PMEPA1: variants seen among roughly 807,000 people sequenced by gnomAD.
PMEPA1 encodes the protein protein TMEPAI.
A neutral mutation model predicts 23.0 loss-of-function variants in PMEPA1; 11 were observed. That is an observed-to-expected ratio of 0.48 (90% CI 0.30 to 0.79). PMEPA1 has a LOEUF of 0.79. Ranked by LOEUF, PMEPA1 falls within the 30% of genes least tolerant of loss-of-function variation. The pLI is 0.06. For synonymous variants in PMEPA1, 204 were observed against 166.4 expected (o/e 1.23, Z -1.74); for missense variants, 377 against 390.9 (o/e 0.96, Z 0.30).
At chr20:57,664,066 C>A (rs1405548771) in intron 1 of PMEPA1, among the ~76,000 whole-genome samples, 1 of 152,226 alleles carries the variant, frequency 6.6e-6, no homozygotes, top group Admixed American at 6.5e-5. Flanking sequence ...GGAATGCATT[C>A]TCTGGGGAGT....
intron 1 of PMEPA1, among the ~76,000 whole-genome samples, chr20:57,673,990 C>A (rs766494672): frequency 2.0e-5 from 3 of 152,180 alleles, no homozygotes; most frequent in Non-Finnish European, 2.9e-5. Context: ...CAAGTGGTGG[C>A]CACTATTGGG....
rs975364830 is a variant in PMEPA1, at chr20:57,650,683, G to A, written c.*1370C>T. ...GAATTCTGCGCCCGAAGCTCGGGTT[G>A]GTGTTTGCTCAACTGCTTTACTCAT... On this transcript the variant is annotated 3_prime_UTR_variant, in exon 4 of 4. Transcript: ENST00000341744. 5.9e-5 allele frequency: 9 copies of A among 152,392 alleles called. No homozygotes were observed. The highest frequency in any genetic ancestry group is 2.2e-4 in the African/African-American group (9 of 41,598). The allele number at this position is 152,392 out of a possible 1,614,324, so 9.4% of individuals were successfully genotyped here.
At position 57,659,534 on chromosome 20, in the gene PMEPA1, G is replaced by A; in HGVS notation, c.264+9C>T. 6.2e-7 allele frequency: 1 copy of A among 1,612,966 alleles called. No individual in the cohort carries two copies. Among genetic ancestry groups the A allele is most frequent in the Non-Finnish European group, 8.5e-7 (1 of 1,179,308 alleles). On this transcript the variant is annotated intron_variant, in intron 2 of 3. Transcript: ENST00000341744. Reference sequence around the variant, plus strand: ...CCTCAGGCCACAGATGGGATGGCGGGGCACTTACTGAGGACAGGGCATCTT... The same window carrying A: ...CCTCAGGCCACAGATGGGATGGCGGAGCACTTACTGAGGACAGGGCATCTT...
intron 2 of PMEPA1, 101 bp downstream of exon 2, chr20:57,659,442 C>A (rs1172596568): frequency 5.4e-6 from 7 of 1,295,418 alleles, no homozygotes; most frequent in Non-Finnish European, 7.4e-6. Context: ...TGCCCTGAAT[C>A]TGTTTCCTGC....
At chr20:57,673,373 C>T (rs2071595323) in intron 1 of PMEPA1, among the ~76,000 whole-genome samples, 1 of 152,198 alleles carries the variant, frequency 6.6e-6, no homozygotes. Context: ...CCACCCAAGA[C>T]ATCTGCTATG....
chr20:57,677,559 C>T (rs1033438536), intron 1 of PMEPA1, among the ~76,000 whole-genome samples: 3 of 152,274 alleles, frequency 2.0e-5, no homozygotes, highest in Non-Finnish European at 1.5e-5. Flanking sequence ...CCCCAGCACT[C>T]GCATCTTTCC....
At chr20:57,666,064 G>C (rs1352155057) in intron 1 of PMEPA1, among the ~76,000 whole-genome samples, 1 of 152,184 alleles carries the variant, frequency 6.6e-6, no homozygotes, top group African/African-American at 2.4e-5. Context: ...CCTTGGGGAG[G>C]GTGATGAATG....
chr20:57,710,297 C>T, upstream of PMEPA1: 1 of 742,908 alleles, frequency 1.3e-6, no homozygotes, highest in South Asian at 2.7e-5. Context: ...TCGGTGCCAG[C>T]CGCACCCGGG....
upstream of PMEPA1, chr20:57,711,001 CAG>C (rs1568693492): frequency 6.6e-6 from 1 of 152,232 alleles, no homozygotes; most frequent in African/African-American, 2.4e-5. Context: ...GACACCGACT[CAG>C]TGTGGCCGAA....
At chr20:57,676,415 A>T (rs78934930) in intron 1 of PMEPA1, among the ~76,000 whole-genome samples, 22,269 of 152,280 alleles carry the variant, frequency 0.15, 1,850 homozygotes, top group East Asian at 0.28. Flanking sequence ...GCATCATGAC[A>T]TGGCAAAGCA....
At chr20:57,701,407 G>A (rs886504026) in intron 1 of PMEPA1, among the ~76,000 whole-genome samples, 1 of 152,156 alleles carries the variant, frequency 6.6e-6, no homozygotes, top group African/African-American at 2.4e-5. Flanking sequence ...CCTTCTGGGG[G>A]CCTGCAGCAA....
At chr20:57,698,905 T>A (rs1338880350) in intron 1 of PMEPA1, among the ~76,000 whole-genome samples, 3 of 152,098 alleles carry the variant, frequency 2.0e-5, no homozygotes, top group Non-Finnish European at 4.4e-5. Flanking sequence ...ACATTGAGAG[T>A]CTCCCTTCTC....
chr20:57,702,786 CTG>C, intron 1 of PMEPA1, among the ~76,000 whole-genome samples: 1 of 152,188 alleles, frequency 6.6e-6, no homozygotes, highest in East Asian at 1.9e-4. Flanking sequence ...GTTTTGAACA[CTG>C]AGAAAAATGC....
At chr20:57,661,448 A>C (rs2071417557) in intron 1 of PMEPA1, among the ~76,000 whole-genome samples, 1 of 151,876 alleles carries the variant, frequency 6.6e-6, no homozygotes, top group Non-Finnish European at 1.5e-5. Flanking sequence ...CAGGAATGTG[A>C]CTCCCCAGAC....
At chr20:57,673,354 T>G (rs996779246) in intron 1 of PMEPA1, among the ~76,000 whole-genome samples, 4 of 152,130 alleles carry the variant, frequency 2.6e-5, no homozygotes, top group African/African-American at 9.7e-5. Flanking sequence ...GTGGTTAATT[T>G]TGTAAATACC....
chr20:57,692,239 AG>A (rs1222778559), intron 1 of PMEPA1, among the ~76,000 whole-genome samples: 1 of 152,248 alleles, frequency 6.6e-6, no homozygotes, highest in Non-Finnish European at 1.5e-5. Context: ...GAAGAAACAG[AG>A]GCTCATAGAG....
At chr20:57,697,290 C>G (rs1315994682) in intron 1 of PMEPA1, among the ~76,000 whole-genome samples, 1 of 152,224 alleles carries the variant, frequency 6.6e-6, no homozygotes, top group Non-Finnish European at 1.5e-5. Context: ...TCTCTGAACC[C>G]CGACTGGGAG....
In PMEPA1 at chr20:57,659,533, G is replaced by T; in HGVS notation, c.264+10C>A. On this transcript the variant is annotated intron_variant, in intron 2 of 3. Coordinates refer to ENST00000341744, the MANE Select transcript of PMEPA1 (RefSeq NM_020182.5). ...CCCTCAGGCCACAGATGGGATGGCG[G>T]GGCACTTACTGAGGACAGGGCATCT... The T allele has an allele frequency of 6.2e-7, 1 of 1,612,756 alleles. No individual in the cohort carries two copies.
upstream of PMEPA1, chr20:57,710,447 C>A (rs772330051): frequency 1.2e-6 from 2 of 1,606,382 alleles, no homozygotes; most frequent in African/African-American, 2.7e-5. Flanking sequence ...AGGAAGCCCC[C>A]AAGATGGATC....
Sources: gnomAD v4.1 joint callset for allele counts (sites outside exome capture counted in the v4.1 genomes callset) on GRCh38, gnomAD v4.1.1 for gene constraint, MANE v1.5 for transcripts, NCBI Gene and HGNC (gene_info 2026-07-23, HGNC 2026-07-21) for gene names.